Variants in TENM4 observed in about 807,000 individuals in gnomAD.
TENM4 encodes the protein teneurin-4.
TENM4 carries 82 observed loss-of-function variants against 243.3 expected under a neutral mutation model. That is an observed-to-expected ratio of 0.34 (90% CI 0.28 to 0.40). The LOEUF is 0.40. Among genes scored for constraint, TENM4 ranks in the 10% least tolerant of loss-of-function variants. The probability of loss-of-function intolerance (pLI) is 1.00; values close to 1 mark genes in which losing one functional copy is unlikely to be tolerated. For synonymous variants in TENM4, 1,412 were observed against 1,456.3 expected (o/e 0.97, Z 0.69); for missense variants, 3,138 against 3,673.3 (o/e 0.85, Z 3.77).
chr11:79,242,126 C>T (rs1196391678), intron 2 of TENM4, among the ~76,000 whole-genome samples: 1 of 152,210 alleles, frequency 6.6e-6, no homozygotes, highest in Non-Finnish European at 1.5e-5. Context: ...CAGGCGATCG[C>T]TTCTTTTAGG....
At chr11:78,667,867 T>C (rs1590924667) in intron 32 of TENM4, among the ~76,000 whole-genome samples, 2 of 152,218 alleles carry the variant, frequency 1.3e-5, no homozygotes, top group East Asian at 3.9e-4. Context: ...AACTCTCTTA[T>C]GTAAAAAGTG....
At chr11:79,120,138 G>C (rs1296254867) in intron 4 of TENM4, among the ~76,000 whole-genome samples, 1 of 152,176 alleles carries the variant, frequency 6.6e-6, no homozygotes, top group African/African-American at 2.4e-5. Context: ...GAGTAGAAGA[G>C]GGAGTGCTTG....
At chr11:79,335,237 G>A (rs574332216) in intron 1 of TENM4, among the ~76,000 whole-genome samples, 125 of 152,350 alleles carry the variant, frequency 8.2e-4, no homozygotes, top group Admixed American at 3.9e-3. Flanking sequence ...GAACCTGACA[G>A]GTCTCCCGCC....
intron 4 of TENM4, among the ~76,000 whole-genome samples, chr11:79,089,998 T>C (rs554498672): frequency 2.2e-4 from 34 of 152,308 alleles, no homozygotes; most frequent in African/African-American, 8.2e-4. Flanking sequence ...CAGCTACATT[T>C]AGATGGAAAT....
chr11:78,845,588 G>C (rs1858372136), intron 12 of TENM4, among the ~76,000 whole-genome samples: 3 of 152,146 alleles, frequency 2.0e-5, no homozygotes. Context: ...CTTGCAGCTA[G>C]GTTATTCCTA....
At chr11:78,732,233 C>T in intron 21 of TENM4, 83 bp downstream of exon 21, 2 of 1,509,856 alleles carry the variant, frequency 1.3e-6, no homozygotes, top group Admixed American at 4.5e-5. Flanking sequence ...GGTGTTTTTT[C>T]TCTTTCCACT....
intron 4 of TENM4, among the ~76,000 whole-genome samples, chr11:79,114,787 A>G (rs1861583816): frequency 6.6e-6 from 1 of 152,220 alleles, no homozygotes; most frequent in East Asian, 1.9e-4. Flanking sequence ...AGCAACATAG[A>G]AGCCCTCTGG....
At chr11:79,172,666 CT>C (rs71457503) in intron 3 of TENM4, among the ~76,000 whole-genome samples, 14,669 of 137,600 alleles carry the variant, frequency 0.11, 742 homozygotes, top group Admixed American at 0.16. Context: ...TTTTCTGTTC[CT>C]TTTTTTTTTT....
chr11:79,373,469 G>C (rs1368672544), intron 1 of TENM4, among the ~76,000 whole-genome samples: 2 of 152,144 alleles, frequency 1.3e-5, no homozygotes, highest in African/African-American at 4.8e-5. Context: ...AGGTTGGCTG[G>C]CTGGCTGGTT....
intron 4 of TENM4, among the ~76,000 whole-genome samples, chr11:79,070,411 T>A (rs1004139990): frequency 6.6e-6 from 1 of 152,164 alleles, no homozygotes; most frequent in African/African-American, 2.4e-5. Context: ...GTGAGATGAA[T>A]GATTGCATGC....
At chr11:79,353,863 G>C (rs929337769) in intron 1 of TENM4, among the ~76,000 whole-genome samples, 1 of 152,036 alleles carries the variant, frequency 6.6e-6, no homozygotes, top group African/African-American at 2.4e-5. Flanking sequence ...TTGGTACACA[G>C]CCACGTCCAT....
chr11:78,741,127 G>A (rs1855920269), intron 19 of TENM4, among the ~76,000 whole-genome samples: 1 of 152,138 alleles, frequency 6.6e-6, no homozygotes, highest in Non-Finnish European at 1.5e-5. Flanking sequence ...GCCTTCCCTG[G>A]AACAAAGGAG....
At chr11:78,982,684 A>G (rs1429946375) in intron 6 of TENM4, among the ~76,000 whole-genome samples, 1 of 152,166 alleles carries the variant, frequency 6.6e-6, no homozygotes, top group African/African-American at 2.4e-5. Context: ...CCAGGCCTGT[A>G]CTTATGCACA....
chr11:79,002,719 A>AT (rs776332680), intron 6 of TENM4, among the ~76,000 whole-genome samples: 7 of 152,194 alleles, frequency 4.6e-5, no homozygotes, highest in Non-Finnish European at 1.0e-4. Flanking sequence ...TAGTGCAATA[A>AT]CTTTGAGATT....
At chr11:78,800,312 G>A (rs2136072867) in intron 15 of TENM4, among the ~76,000 whole-genome samples, 1 of 152,302 alleles carries the variant, frequency 6.6e-6, no homozygotes, top group East Asian at 1.9e-4. Context: ...CTGCTCCCTA[G>A]GGAAGATGGC....
chr11:78,894,096 G>A (rs982953283), intron 7 of TENM4, among the ~76,000 whole-genome samples: 3 of 152,176 alleles, frequency 2.0e-5, no homozygotes, highest in African/African-American at 7.2e-5. Flanking sequence ...AGCATGCCCG[G>A]CATACAGCAG....
chr11:78,699,498 G>GAAAACA (rs887259781), intron 28 of TENM4, among the ~76,000 whole-genome samples: 9 of 152,128 alleles, frequency 5.9e-5, no homozygotes, highest in East Asian at 3.8e-4. Context: ...TAGGATCTCA[G>GAAAACA]AAAACAAAAA....
At chr11:79,263,815 A>G (rs768680114) in intron 2 of TENM4, among the ~76,000 whole-genome samples, 1 of 152,206 alleles carries the variant, frequency 6.6e-6, no homozygotes, top group South Asian at 2.1e-4. Flanking sequence ...CTTGGTATAT[A>G]TGGGAAACTG....
At chr11:79,370,808 A>AAAAAAAAAT (rs1857769300) in intron 1 of TENM4, among the ~76,000 whole-genome samples, 1 of 105,882 alleles carries the variant, frequency 9.4e-6, no homozygotes, top group Non-Finnish European at 2.2e-5. Flanking sequence ...AAAAAAAAAA[A>AAAAAAAAAT]AGTGATAAAT....
Sources: allele counts gnomAD v4.1 joint callset (sites outside exome capture counted in the v4.1 genomes callset), GRCh38; gene constraint gnomAD v4.1.1; transcripts MANE v1.5; gene names NCBI Gene and HGNC (gene_info 2026-07-23, HGNC 2026-07-21).